GPNMB: variants seen among roughly 807,000 people sequenced by gnomAD.
The protein encoded by GPNMB is transmembrane glycoprotein NMB.
Under a neutral mutation model 57.3 loss-of-function variants are expected in GPNMB, and 71 were observed. That is an observed-to-expected ratio of 1.24 (90% confidence interval 1.02 to 1.51). The LOEUF (loss-of-function observed/expected upper bound fraction) is 1.51, where lower values mean the gene tolerates loss of function less well. Ranked by LOEUF, GPNMB falls within the 40% of genes most tolerant of loss-of-function variation. GPNMB has a pLI of 0.00. For missense variants in GPNMB, 677 were observed against 691.9 expected (o/e 0.98, Z 0.24); for synonymous variants, 253 against 263.2 (o/e 0.96, Z 0.38).
chr7:23,270,093 T>C lies in GPNMB; in HGVS notation c.1347T>C (p.Ser449=), dbSNP rs902504205. 3.7e-6 allele frequency: 6 copies of C among 1,614,028 alleles called. No homozygotes were observed. The African/African-American group carries it at 5.3e-5, about 14-fold the overall frequency. Reference sequence around the variant, plus strand: ...CTGTGAGACGAACCTTCAATGGGTCTGGGACGTACTGTGTGAACCTCACCC... The same window carrying C: ...CTGTGAGACGAACCTTCAATGGGTCCGGGACGTACTGTGTGAACCTCACCC... ...LLTVRRTFNG[S]GTYCVNLTLG... The change falls in exon 9 of 11, where the codon TCT becomes TCC. Residue 449 remains serine (S), a synonymous_variant. Coordinates refer to ENST00000258733, the MANE Select transcript of GPNMB (RefSeq NM_002510.3).
At chr7:23,259,276 C>T (rs568442085) in intron 4 of GPNMB, among the ~76,000 whole-genome samples, 7 of 152,280 alleles carry the variant, frequency 4.6e-5, no homozygotes, top group East Asian at 3.9e-4. Flanking sequence ...ATCCCCGCTC[C>T]GGGTTTAACC....
Position 23,254,329 on chromosome 7 carries a change from C to T in GPNMB, c.367+17C>T. The T allele has an allele frequency of 6.2e-7, 1 of 1,603,984 alleles. No homozygotes were observed. The highest frequency in any genetic ancestry group is 8.5e-7 in the Non-Finnish European group (1 of 1,172,162). ...GCAGAAATGGTAAGAACACAGTATTCTCCTAAACTACTGGAGACCCAGTTT... is the reference window on the plus strand; with the variant it reads ...GCAGAAATGGTAAGAACACAGTATTTTCCTAAACTACTGGAGACCCAGTTT... On this transcript the variant is annotated intron_variant, in intron 3 of 10. Transcript: ENST00000258733.
At chr7:23,253,526 G>C in intron 2 of GPNMB, 67 bp downstream of exon 2, 1 of 1,360,866 alleles carries the variant, frequency 7.3e-7, no homozygotes, top group South Asian at 1.3e-5. Context: ...AGATGGTAAA[G>C]CCTTTTAGAT....
intron 3 of GPNMB, among the ~76,000 whole-genome samples, chr7:23,254,584 T>G (rs1782733727): frequency 6.6e-6 from 1 of 152,220 alleles, no homozygotes; most frequent in Admixed American, 6.5e-5. Context: ...TAGTGTCCAG[T>G]TGACTGGACA....
At chr7:23,247,198 TC>T in intron 1 of GPNMB, 1 of 455,564 alleles carries the variant, frequency 2.2e-6, no homozygotes, top group Non-Finnish European at 4.1e-6. Context: ...TGCAACCCAT[TC>T]TTGCCAGACA....
In GPNMB at chr7:23,273,548, A is replaced by G. The variant is rs749152145; in HGVS notation, c.1457A>G (p.Asn486Ser). 5 of 1,613,804 alleles carry G rather than the reference A, an allele frequency of 3.1e-6. No individual in the cohort carries two copies. The highest frequency in any genetic ancestry group is 1.3e-5 in the African/African-American group (1 of 75,040). ...CCAGCCTCGCCTTTAAGGATGGCAA[A>G]CAGTGCCCTGATCTCCGTTGGCTGC... ...RDPASPLRMANSALISVGCLA... is the reference protein window; with the variant it reads ...RDPASPLRMASSALISVGCLA... Residue 486 changes from asparagine to serine, a missense_variant, in exon 10 of 11, where the codon AAC (asparagine) becomes AGC (serine). Physicochemically the swap from Asn to Ser is conservative, Grantham distance 46 (BLOSUM62 1). Coordinates refer to ENST00000258733, the MANE Select transcript of GPNMB (RefSeq NM_002510.3).
Position 23,273,541 on chromosome 7 carries a change from A to T in GPNMB, c.1450A>T (p.Met484Leu). The change falls in exon 10 of 11, where the codon ATG becomes TTG. Residue 484 changes from methionine to leucine, a missense_variant. Transcript: ENST00000258733. ...PDRDPASPLR[M>L]ANSALISVGC... is the part of the protein sequence containing the mutation. The stretch of plus-strand genomic sequence containing the variant: ...TTAAGACCCAGCCTCGCCTTTAAGG[A>T]TGGCAAACAGTGCCCTGATCTCCGT... 6.2e-7 allele frequency: 1 copy of T among 1,613,438 alleles called. No homozygotes were observed. Among genetic ancestry groups the T allele is most frequent in the Non-Finnish European group, 8.5e-7 (1 of 1,179,386 alleles).
At chr7:23,271,067 G>A (rs1783191862) in intron 9 of GPNMB, among the ~76,000 whole-genome samples, 1 of 152,214 alleles carries the variant, frequency 6.6e-6, no homozygotes, top group Non-Finnish European at 1.5e-5. Context: ...GGGATGGTGG[G>A]GGATGGTTTC....
chr7:23,269,984 G>C lies in GPNMB; in HGVS notation c.1238G>C (p.Cys413Ser), dbSNP rs772286103. Residue 413 changes from cysteine to serine, a missense_variant, in exon 9 of 11, where the codon TGT (cysteine) becomes TCT (serine). Coordinates refer to ENST00000258733, the MANE Select transcript of GPNMB (RefSeq NM_002510.3). ...TGTCGCAGCATTCCCACGGAGGTCT[G>C]TACCATCATTTCTGACCCCACCTGC... ...TCQGSIPTEV[C>S]TIISDPTCEI... 19 of 1,613,888 alleles carry C rather than the reference G, an allele frequency of 1.2e-5. No homozygotes were observed. Among genetic ancestry groups the C allele is most frequent in the East Asian group, 6.7e-5 (3 of 44,894 alleles).
Position 23,270,087 on chromosome 7 carries a change from T to C in GPNMB, c.1341T>C (p.Asn447=), listed in dbSNP as rs776535362. 6.2e-7 allele frequency: 1 copy of C among 1,614,108 alleles called. No homozygotes were observed. Among genetic ancestry groups the C allele is most frequent in the East Asian group, 2.2e-5 (1 of 44,866 alleles). ...TGCTGACTGTGAGACGAACCTTCAA[T>C]GGGTCTGGGACGTACTGTGTGAACC... ...MCLLTVRRTF[N]GSGTYCVNLT... is the part of the protein sequence containing the mutation. The change falls in exon 9 of 11, where the codon AAT becomes AAC. Residue 447 remains asparagine (N), a synonymous_variant. Coordinates refer to ENST00000258733, the MANE Select transcript of GPNMB (RefSeq NM_002510.3).
In GPNMB at chr7:23,267,895, T is replaced by G. The variant is rs765353523; in HGVS notation, c.1127T>G (p.Leu376Ter). 3 of 1,606,314 alleles carry G rather than the reference T, an allele frequency of 1.9e-6. No individual in the cohort carries two copies. The highest frequency in any genetic ancestry group is 2.6e-6 in the Non-Finnish European group (3 of 1,172,862). ...QATITIVEGI[L>*]EVNIIQMTDV... ...GGGGTTATTTTGTTAGAGGGAATCT[T>G]AGAGGTTAACATCATCCAGATGACA... The change falls in exon 8 of 11, where the codon TTA becomes TGA. Residue 376 changes from leucine to a stop codon, truncating the protein, a stop_gained. Coordinates refer to ENST00000258733, the MANE Select transcript of GPNMB (RefSeq NM_002510.3). LOFTEE classifies it high-confidence loss of function.
At chr7:23,268,331 A>G (rs1783119832) in intron 8 of GPNMB, among the ~76,000 whole-genome samples, 1 of 152,212 alleles carries the variant, frequency 6.6e-6, no homozygotes, top group South Asian at 2.1e-4. Flanking sequence ...CAGATGAGGC[A>G]ACTGAGGCCA....
chr7:23,254,432 G>T, intron 3 of GPNMB, 120 bp downstream of exon 3: 1 of 755,306 alleles, frequency 1.3e-6, no homozygotes. Context: ...TCCATGAGCT[G>T]GATGACAGAG....
At chr7:23,268,309 C>T (rs953627292) in intron 8 of GPNMB, among the ~76,000 whole-genome samples, 1 of 152,088 alleles carries the variant, frequency 6.6e-6, no homozygotes, top group South Asian at 2.1e-4. Flanking sequence ...TCGTATGAGC[C>T]TCCCCATTTT....
chr7:23,274,242 G>A lies in GPNMB; in HGVS notation c.*18G>A. 6.2e-7 allele frequency: 1 copy of A among 1,602,552 alleles called. No homozygotes were observed. Among genetic ancestry groups the A allele is most frequent in the Non-Finnish European group, 8.5e-7 (1 of 1,170,600 alleles). On this transcript the variant is annotated 3_prime_UTR_variant, in exon 11 of 11. Transcript: ENST00000258733. Reference sequence around the variant, plus strand: ...TTTCTTAAATTTCGACCTTGTTTCTGAAGCTCACTTTTCAGTGCCATTGAT... The same window carrying A: ...TTTCTTAAATTTCGACCTTGTTTCTAAAGCTCACTTTTCAGTGCCATTGAT...
At chr7:23,267,813 C>A in intron 7 of GPNMB, 73 bp from the exon 8 acceptor site, 1 of 1,002,782 alleles carries the variant, frequency 1.0e-6, no homozygotes, top group East Asian at 2.4e-5. Context: ...CAATCTATAC[C>A]AGAGTGATTG....
At chr7:23,257,877 A>G (rs1398409301) in intron 4 of GPNMB, 1 of 152,184 alleles carries the variant, frequency 6.6e-6, no homozygotes, top group East Asian at 1.9e-4. Context: ...GTTAATTATT[A>G]TGGTGTTTTC....
chr7:23,249,324 C>G (rs1782609458), intron 1 of GPNMB, among the ~76,000 whole-genome samples: 1 of 152,178 alleles, frequency 6.6e-6, no homozygotes, highest in South Asian at 2.1e-4. Context: ...ACCTGGTTTG[C>G]CCCAGTGGTA....
intron 9 of GPNMB, among the ~76,000 whole-genome samples, chr7:23,270,965 A>G (rs1783189352): frequency 6.6e-6 from 1 of 152,202 alleles, no homozygotes; most frequent in Non-Finnish European, 1.5e-5. Flanking sequence ...GATGAAAGGG[A>G]AAGACTAAGT....
Sources: gnomAD v4.1 joint callset for allele counts (sites outside exome capture counted in the v4.1 genomes callset) on GRCh38, gnomAD v4.1.1 for gene constraint, MANE v1.5 for transcripts, NCBI Gene and HGNC (gene_info 2026-07-23, HGNC 2026-07-21) for gene names.